Variants in ACO2 observed in about 807,000 individuals in gnomAD.
The protein encoded by ACO2 is aconitase 2, also known as aconitate hydratase, mitochondrial.
In ACO2, 31 loss-of-function variants were observed where a neutral mutation model predicts 84.5. The observed-to-expected ratio is 0.37, with a 90% CI of 0.28 to 0.50. The LOEUF (loss-of-function observed/expected upper bound fraction) is 0.50. Among genes scored for constraint, ACO2 ranks in the 20% least tolerant of loss-of-function variants. The pLI, the probability that ACO2 is intolerant of heterozygous loss-of-function variation, is 0.97. For synonymous variants in ACO2, 414 were observed against 412.7 expected, an observed-to-expected ratio of 1.00 and a Z score of -0.04; for missense variants, 685 against 1,029.3, an observed-to-expected ratio of 0.67 and a Z score of 4.58.
At chr22:41,523,074 CGGGGCT>C (rs1001118979) in intron 10 of ACO2, 87 bp downstream of exon 10, 3 of 1,575,994 alleles carry the variant, frequency 1.9e-6, no homozygotes, top group Non-Finnish European at 2.6e-6. Context: ...CCTGTTGGGC[CGGGGCT>C]GGGGCAGGTC....
intron 1 of ACO2, among the ~76,000 whole-genome samples, chr22:41,471,187 A>G (rs2146072556): frequency 6.6e-6 from 1 of 152,350 alleles, no homozygotes; most frequent in Middle Eastern, 3.4e-3. Flanking sequence ...ATGAGTTTAC[A>G]ACCATCACGT....
At chr22:41,527,212 G>A (rs2066618538) in intron 15 of ACO2, 76 bp from the exon 16 acceptor site, 11 of 1,607,876 alleles carry the variant, frequency 6.8e-6, no homozygotes, top group Non-Finnish European at 8.5e-7. Flanking sequence ...GGTGGGTGAG[G>A]CCAGGCAGGT....
At chr22:41,489,038 C>T (rs1055926891) in intron 1 of ACO2, among the ~76,000 whole-genome samples, 2 of 151,954 alleles carry the variant, frequency 1.3e-5, no homozygotes, top group African/African-American at 2.4e-5. Context: ...CCAGTTCCTC[C>T]TCCTCCCCTT....
intron 1 of ACO2, among the ~76,000 whole-genome samples, chr22:41,478,019 C>T (rs2038040847): frequency 6.6e-6 from 1 of 151,972 alleles, no homozygotes; most frequent in Admixed American, 6.6e-5. Context: ...GAGCCGAGAT[C>T]ACGCTGCTGC....
intron 1 of ACO2, among the ~76,000 whole-genome samples, chr22:41,498,866 G>A (rs929859207): frequency 1.3e-4 from 20 of 152,184 alleles, no homozygotes; most frequent in African/African-American, 4.8e-4. Context: ...GGCCGAGGCA[G>A]ATGGATCACT....
intron 17 of ACO2, 97 bp downstream of exon 17, chr22:41,528,119 T>C: frequency 1.3e-6 from 2 of 1,545,464 alleles, no homozygotes; most frequent in Non-Finnish European, 1.8e-6. Context: ...CCAGGAGGCT[T>C]CATTCCAGCT....
At chr22:41,503,594 G>A (rs111825235) in intron 2 of ACO2, among the ~76,000 whole-genome samples, 7,806 of 152,228 alleles carry the variant, frequency 0.051, 286 homozygotes, top group Non-Finnish European at 0.078. Context: ...CTCCCAAAGT[G>A]CTGAGGTGAC....
chr22:41,511,261 TC>T (rs1470233297), intron 3 of ACO2, among the ~76,000 whole-genome samples: 1 of 152,210 alleles, frequency 6.6e-6, no homozygotes, highest in Non-Finnish European at 1.5e-5. Context: ...CATCCTTGTC[TC>T]CCAGGTTCAA....
rs377315414 is a variant in ACO2 at position 41,528,642 on chromosome 22, C to T, written c.*29C>T. 232 of 1,607,630 alleles carry T rather than the reference C, an allele frequency of 1.4e-4. No individual in the cohort carries two copies. Among genetic ancestry groups the T allele is most frequent in the African/African-American group, 2.3e-4 (17 of 74,884 alleles). On this transcript the variant is annotated 3_prime_UTR_variant, in exon 18 of 18. Coordinates refer to ENST00000216254, the MANE Select transcript of ACO2 (RefSeq NM_001098.3). The stretch of plus-strand genomic sequence containing the variant: ...CAGTGCCTCCCCGCCCCGCCGCTGG[C>T]GTCAAGTTCAGCTCCACGTGTGCCA...
chr22:41,506,286 TC>T (rs2066392510), intron 2 of ACO2, among the ~76,000 whole-genome samples: 1 of 151,300 alleles, frequency 6.6e-6, no homozygotes, highest in South Asian at 2.1e-4. Flanking sequence ...AGAGTCTTGC[TC>T]TATTGCCCAG....
chr22:41,474,196 G>A (rs1219778131), intron 1 of ACO2, among the ~76,000 whole-genome samples: 7 of 151,970 alleles, frequency 4.6e-5, no homozygotes, highest in African/African-American at 1.7e-4. Flanking sequence ...CGCATGGGAG[G>A]GATAGAGAAT....
chr22:41,469,782 T>C (rs1056279136), intron 1 of ACO2, among the ~76,000 whole-genome samples: 1 of 152,134 alleles, frequency 6.6e-6, no homozygotes, highest in Non-Finnish European at 1.5e-5. Flanking sequence ...CCTGTTTTAA[T>C]TCTTCATAAT....
intron 11 of ACO2, 31 bp downstream of exon 11, chr22:41,523,309 C>T (rs2066542237): frequency 6.4e-7 from 1 of 1,557,232 alleles, no homozygotes; most frequent in East Asian, 2.3e-5. Flanking sequence ...CAAGACAGCC[C>T]CTTGTGCACA....
intron 2 of ACO2, 86 bp downstream of exon 2, chr22:41,499,948 A>C: frequency 6.5e-7 from 1 of 1,545,226 alleles, no homozygotes; most frequent in Non-Finnish European, 8.8e-7. Context: ...TGTTTTGTGA[A>C]GGATGCTTGG....
rs746141024 is a variant in ACO2 at position 41,524,868 on chromosome 22, C to T, written c.1505C>T (p.Ala502Val). 2.5e-6 allele frequency: 4 copies of T among 1,614,216 alleles called. No homozygotes were observed. The highest frequency in any genetic ancestry group is 3.4e-6 in the Non-Finnish European group (4 of 1,180,042). Residue 502 changes from alanine to valine, a missense_variant, in exon 13 of 18, where the codon GCG becomes GTG. Physicochemically the swap from Ala to Val is moderately conservative, Grantham distance 64. Coordinates refer to ENST00000216254, the MANE Select transcript of ACO2 (RefSeq NM_001098.3). ...CAGATTGTCACAGCCCTGGCCATTG[C>T]GGGAACCCTCAAGTTCAACCCAGAG... is the stretch of plus-strand genomic sequence containing the variant. ...SPEIVTALAI[A>V]GTLKFNPETD...
chr22:41,489,538 A>T (rs996096405), intron 1 of ACO2, among the ~76,000 whole-genome samples: 3 of 151,890 alleles, frequency 2.0e-5, no homozygotes, highest in African/African-American at 7.3e-5. Flanking sequence ...CATGACATTG[A>T]CTCTTTGAAG....
At chr22:41,471,093 T>C (rs1170739202) in intron 1 of ACO2, among the ~76,000 whole-genome samples, 2 of 61,846 alleles carry the variant, frequency 3.2e-5, no homozygotes, top group Non-Finnish European at 7.9e-5. Flanking sequence ...AGTTACTTCC[T>C]GAATCCATTG....
rs552125975 is a variant in ACO2, at chr22:41,503,377, C to A, written c.173+3515C>A. 3.9e-5 allele frequency among the ~76,000 whole-genome samples: 6 copies of A among 151,992 alleles called. No individual in the cohort carries two copies. The East Asian group carries it at 1.2e-3, about 29-fold the overall frequency. On this transcript the variant is annotated intron_variant, in intron 2 of 17. Coordinates refer to ENST00000216254, the MANE Select transcript of ACO2 (RefSeq NM_001098.3). ...AGTCTCGCTCTGTCGCCCAGGCTGG[C>A]TGGAGTACAGTGGAACGATCTCGGC...
intron 3 of ACO2, among the ~76,000 whole-genome samples, chr22:41,508,386 G>A (rs916418457): frequency 2.0e-5 from 3 of 152,204 alleles, no homozygotes; most frequent in Non-Finnish European, 4.4e-5. Flanking sequence ...AGTGAGGGGT[G>A]CATCTTAGCA....
Sources: allele counts gnomAD v4.1 joint callset (sites outside exome capture counted in the v4.1 genomes callset), GRCh38; gene constraint gnomAD v4.1.1; transcripts MANE v1.5; gene names NCBI Gene and HGNC (gene_info 2026-07-23, HGNC 2026-07-21).